The following CNOT4 variants were observed in gnomAD, a reference collection of about 807,000 sequenced individuals.
CNOT4 encodes CCR4-NOT transcription complex subunit 4, also known as CCR4-associated factor 4.
Under a neutral mutation model 73.8 loss-of-function variants are expected in CNOT4, and 8 were observed. The observed-to-expected ratio is 0.11, with a 90% CI of 0.06 to 0.20. The LOEUF (loss-of-function observed/expected upper bound fraction) is 0.20. Among genes scored for constraint, CNOT4 ranks in the 10% least tolerant of loss-of-function variants. The pLI, the probability that CNOT4 is intolerant of heterozygous loss-of-function variation, is 1.00. For missense variants in CNOT4, 564 were observed against 883.4 expected (o/e 0.64, Z 4.58); for synonymous variants, 293 against 321.1 (o/e 0.91, Z 0.94).
rs145732392 is a variant in CNOT4, at chr7:135,370,282, AAAC to A, written c.1628-6219_1628-6217del. On this transcript the variant is annotated intron_variant, in intron 10 of 11. Transcript: ENST00000541284. ...AACAACCTGAACAAAGTAACAGTCA[AAAC>A]AACAACAACAAAAAAGGCAATATTT... is the stretch of plus-strand genomic sequence containing the variant. Among the ~76,000 whole-genome samples the A allele has an allele frequency of 5.2e-3, 786 of 152,244 alleles. 13 individuals are homozygous for A. In the East Asian group the frequency reaches 0.053, roughly 10 times the overall value.
chr7:135,432,997 C>A (rs1798936699), intron 2 of CNOT4, among the ~76,000 whole-genome samples: 1 of 152,100 alleles, frequency 6.6e-6, no homozygotes, highest in African/African-American at 2.4e-5. Flanking sequence ...AAAGTTTGTG[C>A]TGGACACTTG....
chr7:135,363,299 T>C lies in CNOT4; in HGVS notation c.1841-113A>G. ...AAGGAAAGACAGAAGAGATTACAAT[T>C]TTAAACTCCTTCCAAATAAGACCTT... On this transcript the variant is annotated intron_variant, in intron 11 of 11. Coordinates refer to ENST00000541284, the MANE Select transcript of CNOT4 (RefSeq NM_001190850.2). The surrounding 1 kb of genome is among the most constrained non-coding windows in gnomAD (Gnocchi z 4.3). The C allele has an allele frequency of 1.1e-6, 1 of 925,034 alleles. No individual in the cohort carries two copies. Among genetic ancestry groups the C allele is most frequent in the Non-Finnish European group, 1.7e-6 (1 of 601,560 alleles). The allele number at this position is 925,034 out of a possible 1,614,324, so 57.3% of individuals were successfully genotyped here.
chr7:135,420,829 T>C (rs144226827), intron 3 of CNOT4, among the ~76,000 whole-genome samples: 79 of 151,806 alleles, frequency 5.2e-4, no homozygotes, highest in African/African-American at 1.9e-3. Context: ...GAATAACCAC[T>C]AGCTTAAAAA....
chr7:135,368,154 G>T (rs1210905989), intron 10 of CNOT4, among the ~76,000 whole-genome samples: 1 of 152,172 alleles, frequency 6.6e-6, no homozygotes, highest in South Asian at 2.1e-4. Context: ...ATTCCACTGT[G>T]TAAGAAGTAT....
At chr7:135,445,591 T>A (rs113546889) in intron 1 of CNOT4, among the ~76,000 whole-genome samples, 3,033 of 152,302 alleles carry the variant, frequency 0.02, 102 homozygotes, top group African/African-American at 0.069. Flanking sequence ...CTTAGATTTA[T>A]TTCTCAAATG....
intron 1 of CNOT4, among the ~76,000 whole-genome samples, chr7:135,480,793 T>C (rs2129487225): frequency 6.6e-6 from 1 of 151,344 alleles, no homozygotes; most frequent in East Asian, 1.9e-4. Flanking sequence ...TAATTCCACA[T>C]ATTTAGAGAC....
At chr7:135,398,849 G>A (rs1234267387) in intron 7 of CNOT4, among the ~76,000 whole-genome samples, 1 of 151,920 alleles carries the variant, frequency 6.6e-6, no homozygotes, top group East Asian at 1.9e-4. Context: ...TTGACAGAGG[G>A]CATAAAAGTT....
intron 10 of CNOT4, among the ~76,000 whole-genome samples, chr7:135,383,461 C>T (rs1202541132): frequency 2.6e-5 from 4 of 152,294 alleles, no homozygotes; most frequent in South Asian, 2.1e-4. Context: ...TGTCCTCCTA[C>T]GATGCTTTGA....
In CNOT4 at chr7:135,395,863, A is replaced by T. The variant is rs1270796752; in HGVS notation, c.900T>A (p.Pro300=). The T allele has an allele frequency of 6.2e-7, 1 of 1,608,058 alleles. No individual in the cohort carries two copies. The highest frequency in any genetic ancestry group is 1.3e-5 in the African/African-American group (1 of 74,914). ...NSQQISNSDT[P]SPPPGLSKSN... ...ATTTTGACAAACCAGGTGGTGGTGA[A>T]GGCGTATCACTGTTAGATATCTGAA... The change falls in exon 9 of 12, where the codon CCT becomes CCA. Residue 300 remains proline, a synonymous_variant. Coordinates refer to ENST00000541284, the MANE Select transcript of CNOT4 (RefSeq NM_001190850.2).
rs943367873 is a variant in CNOT4 at position 135,387,488 on chromosome 7, A to G, written c.1627+6430T>C. 9.2e-6 allele frequency: 9 copies of G among 978,064 alleles called. No individual in the cohort carries two copies. The African/African-American group carries it at 1.6e-4, about 17-fold the overall frequency. 60.6% of individuals were successfully genotyped at this position (978,064 alleles called of 1,614,324 possible). On this transcript the variant is annotated intron_variant, in intron 10 of 11. Coordinates refer to ENST00000541284, the MANE Select transcript of CNOT4 (RefSeq NM_001190850.2). The stretch of plus-strand genomic sequence containing the variant: ...ACATTAAGTACCATCTCCTAATAAC[A>G]TGTTCTATTATTATTATTTTCAATC...
intron 1 of CNOT4, among the ~76,000 whole-genome samples, chr7:135,471,506 TA>T (rs1801573455): frequency 6.6e-6 from 1 of 152,208 alleles, no homozygotes; most frequent in Non-Finnish European, 1.5e-5. Flanking sequence ...AGAATCAAGT[TA>T]AAGACTAAGT....
At chr7:135,392,475 T>C (rs1007001951) in intron 10 of CNOT4, among the ~76,000 whole-genome samples, 1 of 152,146 alleles carries the variant, frequency 6.6e-6, no homozygotes. Context: ...AAATGCCACA[T>C]TTCTCAATGA....
chr7:135,469,460 T>G (rs1472458256), intron 1 of CNOT4, among the ~76,000 whole-genome samples: 4 of 152,200 alleles, frequency 2.6e-5, no homozygotes, highest in Non-Finnish European at 4.4e-5. Flanking sequence ...TCACTGGATC[T>G]TCCTCCTTCA....
intron 1 of CNOT4, among the ~76,000 whole-genome samples, chr7:135,479,413 G>T (rs577052293): frequency 2.6e-5 from 4 of 151,402 alleles, no homozygotes; most frequent in Non-Finnish European, 5.9e-5. Context: ...GTTTCGTTAT[G>T]TTGGCTAGGA....
In CNOT4 at chr7:135,410,578, T is replaced by C; in HGVS notation, c.758A>G (p.Gln253Arg). ...ELYKLNPNFL[Q>R]LSTGSVDKNK... ...TTTATCAACTGAACCCGTAGATAGC[T>C]GAAGAAAATTGGGATTTAATTTATA... Residue 253 changes from glutamine (Q) to arginine (R), a missense_variant, in exon 7 of 12, where the codon CAG (glutamine) becomes CGG (arginine). Around this residue, in one of 10 missense-constraint regions of CNOT4, gnomAD observed 135 missense variants for 154.0 expected, o/e 0.88. Coordinates refer to ENST00000541284, the MANE Select transcript of CNOT4 (RefSeq NM_001190850.2). 6.3e-7 allele frequency: 1 copy of C among 1,590,638 alleles called. No individual in the cohort carries two copies. The highest frequency in any genetic ancestry group is 8.6e-7 in the Non-Finnish European group (1 of 1,168,606).
chr7:135,362,820 TG>T lies in CNOT4; in HGVS notation c.*64del. The T allele has an allele frequency of 7.1e-7, 1 of 1,402,076 alleles. No individual in the cohort carries two copies. The highest frequency in any genetic ancestry group is 1.2e-5 in the South Asian group (1 of 86,852). The allele number at this position is 1,402,076 out of a possible 1,614,324, so 86.9% of individuals were successfully genotyped here. The stretch of plus-strand genomic sequence containing the variant: ...GAGATGAGAAGGGAGCTGTGGGTGG[TG>T]GGCTGAGAGGGAGAAAACAGAGTGG... On this transcript the variant is annotated 3_prime_UTR_variant, in exon 12 of 12. Coordinates refer to ENST00000541284, the MANE Select transcript of CNOT4 (RefSeq NM_001190850.2).
At chr7:135,485,369 G>A (rs985024017) in intron 1 of CNOT4, among the ~76,000 whole-genome samples, 8 of 151,952 alleles carry the variant, frequency 5.3e-5, no homozygotes, top group Admixed American at 2.0e-4. Context: ...CACAGCTGGC[G>A]GTTTTTTGTT....
At chr7:135,454,391 T>C (rs1563060013) in intron 1 of CNOT4, among the ~76,000 whole-genome samples, 1 of 151,962 alleles carries the variant, frequency 6.6e-6, no homozygotes, top group Non-Finnish European at 1.5e-5. Context: ...CAGCAACTCA[T>C]TCCTGTAATC....
intron 10 of CNOT4, among the ~76,000 whole-genome samples, chr7:135,378,670 G>A (rs184189099): frequency 8.7e-4 from 132 of 151,914 alleles, no homozygotes; most frequent in Non-Finnish European, 1.3e-3. Context: ...TAGACTGATG[G>A]AGAGAGACTT....
Sources: gnomAD v4.1 joint callset for allele counts (sites outside exome capture counted in the v4.1 genomes callset) on GRCh38, gnomAD v4.1.1 for gene constraint, gnomAD v4.1.1 regional missense constraint, Gnocchi (gnomAD v3.1) non-coding constraint, MANE v1.5 for transcripts, NCBI Gene and HGNC (gene_info 2026-07-23, HGNC 2026-07-21) for gene names.